KIAA0513: variants seen among roughly 807,000 people sequenced by gnomAD.
KIAA0513 encodes KIAA0513.
A neutral mutation model predicts 56.5 loss-of-function variants in KIAA0513; 39 were observed. That is an observed-to-expected ratio of 0.69 (90% CI 0.53 to 0.90). KIAA0513 has a LOEUF of 0.90. KIAA0513 is among the 40% of genes least tolerant of loss of function. KIAA0513 has a pLI of 0.00. For missense variants in KIAA0513, 591 were observed against 535.2 expected, an observed-to-expected ratio of 1.10 and a Z score of -1.03; for synonymous variants, 268 against 215.6, an observed-to-expected ratio of 1.24 and a Z score of -2.13.
intron 1 of KIAA0513, among the ~76,000 whole-genome samples, chr16:85,046,163 A>T (rs2073168224): frequency 6.6e-6 from 1 of 151,614 alleles, no homozygotes; most frequent in Non-Finnish European, 1.5e-5. Flanking sequence ...GTAGGAGTCA[A>T]CTCTTTGGGG....
At chr16:85,051,982 G>A (rs1238297652) in intron 1 of KIAA0513, among the ~76,000 whole-genome samples, 3 of 151,502 alleles carry the variant, frequency 2.0e-5, no homozygotes, top group Non-Finnish European at 4.4e-5. Flanking sequence ...AGTCTTACAA[G>A]CACTTATTAA....
chr16:85,074,166 G>T (rs1041997852), intron 4 of KIAA0513, among the ~76,000 whole-genome samples: 3 of 151,806 alleles, frequency 2.0e-5, no homozygotes, highest in African/African-American at 7.3e-5. Context: ...GTAGAGACAG[G>T]GTTTCACCAT....
intron 1 of KIAA0513, among the ~76,000 whole-genome samples, chr16:85,065,904 C>G (rs1263806621): frequency 6.6e-6 from 1 of 152,198 alleles, no homozygotes; most frequent in Non-Finnish European, 1.5e-5. Flanking sequence ...CCTATGTAGC[C>G]AGCTCCCCTG....
At position 85,088,654 on chromosome 16, in the gene KIAA0513, T is replaced by G; in HGVS notation, c.*329T>G. 2 of 286,282 alleles carry G rather than the reference T, an allele frequency of 7.0e-6. No individual in the cohort carries two copies. Among genetic ancestry groups the G allele is most frequent in the Non-Finnish European group, 6.6e-6 (1 of 151,720 alleles). The allele number at this position is 286,282 out of a possible 1,614,324, so 17.7% of individuals were successfully genotyped here. On this transcript the variant is annotated 3_prime_UTR_variant, in exon 13 of 13. Transcript: ENST00000683363. ...CCATGGGCCATCGTGGGCCAAGGGC[T>G]GGCGAGGGTGGGGGCGGGCAAGGGA...
chr16:85,070,323 G>T (rs1230438350), intron 2 of KIAA0513, among the ~76,000 whole-genome samples: 1 of 152,162 alleles, frequency 6.6e-6, no homozygotes, highest in African/African-American at 2.4e-5. Flanking sequence ...ACCAGCCTCA[G>T]TTTTCTATGT....
At chr16:85,038,130 C>T (rs1200532714) in intron 1 of KIAA0513, among the ~76,000 whole-genome samples, 1 of 152,212 alleles carries the variant, frequency 6.6e-6, no homozygotes, top group East Asian at 1.9e-4. Context: ...TCAGCTCCTT[C>T]CACGCCACCT....
At chr16:85,073,251 G>A (rs576696071) in intron 4 of KIAA0513, among the ~76,000 whole-genome samples, 1 of 152,354 alleles carries the variant, frequency 6.6e-6, no homozygotes, top group East Asian at 1.9e-4. Context: ...AGCATCCTCT[G>A]TGTGGGTCCT....
intron 1 of KIAA0513, among the ~76,000 whole-genome samples, chr16:85,028,840 G>T (rs1012287710): frequency 6.6e-6 from 1 of 152,184 alleles, no homozygotes; most frequent in Non-Finnish European, 1.5e-5. Flanking sequence ...AGTAGTGGCT[G>T]TGGTGAGTCA....
chr16:85,078,601 C>T (rs2073694691), intron 7 of KIAA0513, 146 bp downstream of exon 7: 2 of 751,466 alleles, frequency 2.7e-6, no homozygotes, highest in East Asian at 2.7e-5. Flanking sequence ...CTTCCCAGCT[C>T]CCGTGGTTGT....
intron 1 of KIAA0513, among the ~76,000 whole-genome samples, chr16:85,058,297 A>C (rs1309245541): frequency 6.6e-6 from 1 of 152,206 alleles, no homozygotes; most frequent in East Asian, 1.9e-4. Flanking sequence ...ATCCAGCCAG[A>C]CAAATACCTG....
Position 85,075,836 on chromosome 16 carries a change from T to G in KIAA0513, c.504-8T>G. 6.2e-7 allele frequency: 1 copy of G among 1,614,026 alleles called. No individual in the cohort carries two copies. Among genetic ancestry groups the G allele is most frequent in the Non-Finnish European group, 8.5e-7 (1 of 1,179,874 alleles). On this transcript the variant is annotated splice_polypyrimidine_tract_variant and splice_region_variant and intron_variant, in intron 4 of 12. Coordinates refer to ENST00000683363, the MANE Select transcript of KIAA0513 (RefSeq NM_001388359.1). ...ATCTTTAGCCATGAGCCTTGCCTCT[T>G]GTTTCAGGTGTCATCAGATGGATGA...
At chr16:85,077,773 C>T in intron 6 of KIAA0513, 141 bp downstream of exon 6, 1 of 666,946 alleles carries the variant, frequency 1.5e-6, no homozygotes. Flanking sequence ...ACTTCTGCCC[C>T]CACGGCTTGC....
intron 1 of KIAA0513, among the ~76,000 whole-genome samples, chr16:85,065,251 G>A (rs1255965958): frequency 6.6e-6 from 1 of 152,142 alleles, no homozygotes; most frequent in Non-Finnish European, 1.5e-5. Flanking sequence ...TTGATGCCTC[G>A]GCCAGGGGGG....
intron 1 of KIAA0513, among the ~76,000 whole-genome samples, chr16:85,057,757 C>CTTT (rs1460366309): frequency 1.8e-4 from 26 of 147,854 alleles, no homozygotes; most frequent in East Asian, 5.9e-4. Context: ...GCTGCCTCTG[C>CTTT]TTTTTGTTTT....
intron 1 of KIAA0513, among the ~76,000 whole-genome samples, chr16:85,047,919 T>C (rs1349821930): frequency 3.3e-5 from 5 of 152,198 alleles, no homozygotes; most frequent in Admixed American, 6.5e-5. Flanking sequence ...CTCAGAGGCC[T>C]CAGTAGCTCC....
At chr16:85,061,795 C>T (rs1211621143) in intron 1 of KIAA0513, among the ~76,000 whole-genome samples, 1 of 152,130 alleles carries the variant, frequency 6.6e-6, no homozygotes. Context: ...CTGGAGGCTG[C>T]TGGGTGGGAA....
In KIAA0513 at chr16:85,039,352, G is replaced by A. The variant is rs1196952939; in HGVS notation, c.-173+11494G>A. On this transcript the variant is annotated intron_variant, in intron 1 of 12. Transcript: ENST00000683363. ...GGGTCTCACTCTGTTGCCCAGGCTG[G>A]AGTGCAGTTGCACGATCAGGGCTCC... Among the ~76,000 whole-genome samples the A allele has an allele frequency of 2.6e-5, 4 of 152,094 alleles. No individual in the cohort carries two copies. The South Asian group carries it at 8.3e-4, about 31-fold the overall frequency.
intron 2 of KIAA0513, among the ~76,000 whole-genome samples, chr16:85,070,571 G>A (rs576771403): frequency 2.6e-5 from 4 of 152,214 alleles, no homozygotes; most frequent in African/African-American, 7.2e-5. Context: ...CCTGCTACTC[G>A]GGAGGCTGAG....
chr16:85,050,071 G>C (rs915723463), intron 1 of KIAA0513, among the ~76,000 whole-genome samples: 1 of 152,106 alleles, frequency 6.6e-6, no homozygotes, highest in Non-Finnish European at 1.5e-5. Flanking sequence ...GTTCTAACAC[G>C]CAGTTGCAAT....
Sources: allele counts gnomAD v4.1 joint callset (sites outside exome capture counted in the v4.1 genomes callset), GRCh38; gene constraint gnomAD v4.1.1; transcripts MANE v1.5; gene names NCBI Gene and HGNC (gene_info 2026-07-23, HGNC 2026-07-21).